Variants in FAM227A observed in about 807,000 individuals in gnomAD.
FAM227A encodes the protein protein FAM227A.
In FAM227A, 80 loss-of-function variants were observed where a neutral mutation model predicts 74.7. The ratio of observed to expected loss-of-function variants is 1.07; its 90% CI spans 0.89 to 1.29. The LOEUF (loss-of-function observed/expected upper bound fraction) is 1.29. FAM227A is among the 50% of genes most tolerant of loss of function. FAM227A has a pLI of 0.00. For synonymous variants in FAM227A, 237 were observed against 241.8 expected (o/e 0.98, Z 0.19); for missense variants, 654 against 683.4 (o/e 0.96, Z 0.48).
intron 10 of FAM227A, among the ~76,000 whole-genome samples, chr22:38,622,353 G>C (rs1041198033): frequency 6.6e-6 from 1 of 152,190 alleles, no homozygotes; most frequent in African/African-American, 2.4e-5. Flanking sequence ...AACCTTTCCA[G>C]GCAGAAGCCC....
At chr22:38,628,399 G>C in intron 7 of FAM227A, 57 bp from the exon 8 acceptor site, 1 of 1,077,434 alleles carries the variant, frequency 9.3e-7, no homozygotes, top group Non-Finnish European at 1.4e-6. Context: ...AAACAACTGA[G>C]GGGCTGGGAT....
Position 38,652,202 on chromosome 22 carries a change from G to A in FAM227A, c.-94-1940C>T, listed in dbSNP as rs550647711. Among the ~76,000 whole-genome samples the A allele has an allele frequency of 5.3e-5, 8 of 150,750 alleles. No individual in the cohort carries two copies. The East Asian group carries it at 1.2e-3, about 22-fold the overall frequency. ...CCCTGTCTCAAAATAAATAAATAAAGTTAACATATTTGATGCTTCTCAGAA... is the reference window on the plus strand; with the variant it reads ...CCCTGTCTCAAAATAAATAAATAAAATTAACATATTTGATGCTTCTCAGAA... On this transcript the variant is annotated intron_variant, in intron 1 of 16. Coordinates refer to ENST00000535113, the MANE Select transcript of FAM227A (RefSeq NM_001013647.2).
chr22:38,587,264 T>A (rs1055730499), intron 16 of FAM227A, among the ~76,000 whole-genome samples: 2 of 151,862 alleles, frequency 1.3e-5, no homozygotes, highest in African/African-American at 4.8e-5. Flanking sequence ...GGAAGGAGAT[T>A]AAGATTAGAG....
chr22:38,589,436 C>T (rs1200852844), intron 16 of FAM227A, among the ~76,000 whole-genome samples: 2 of 152,084 alleles, frequency 1.3e-5, no homozygotes, highest in African/African-American at 4.8e-5. Context: ...TCCAGCAGGT[C>T]TGACAATTGA....
chr22:38,605,925 T>C (rs188122681), intron 12 of FAM227A, among the ~76,000 whole-genome samples: 44 of 152,338 alleles, frequency 2.9e-4, no homozygotes, highest in South Asian at 4.1e-4. Context: ...ACAATAATGA[T>C]GTGAAATTAC....
intron 14 of FAM227A, among the ~76,000 whole-genome samples, chr22:38,598,957 C>CTT (rs71197121): frequency 3.2e-4 from 44 of 136,262 alleles, no homozygotes; most frequent in East Asian, 6.4e-4. Flanking sequence ...TGTTTTCTTT[C>CTT]TTTTTTTTTT....
chr22:38,638,644 A>C, intron 5 of FAM227A, 102 bp downstream of exon 5: 2 of 840,582 alleles, frequency 2.4e-6, no homozygotes, highest in Non-Finnish European at 3.9e-6. Flanking sequence ...TTCCTTCATA[A>C]TCACTACCCA....
intron 12 of FAM227A, among the ~76,000 whole-genome samples, chr22:38,606,553 C>T (rs2091288556): frequency 6.6e-6 from 1 of 152,156 alleles, no homozygotes; most frequent in African/African-American, 2.4e-5. Context: ...ATGCTCCTTT[C>T]TGCCTCCTGG....
chr22:38,614,642 C>T (rs1387912255), intron 11 of FAM227A, among the ~76,000 whole-genome samples: 1 of 152,136 alleles, frequency 6.6e-6, no homozygotes, highest in Non-Finnish European at 1.5e-5. Context: ...CCAATTACTC[C>T]CTCTATCCTG....
intron 1 of FAM227A, among the ~76,000 whole-genome samples, chr22:38,650,618 G>C (rs1006211143): frequency 6.6e-6 from 1 of 152,158 alleles, no homozygotes; most frequent in Non-Finnish European, 1.5e-5. Context: ...GCTTCTCTGA[G>C]TCCCAACTCT....
At chr22:38,614,028 T>C (rs1426563864) in intron 11 of FAM227A, among the ~76,000 whole-genome samples, 5 of 152,120 alleles carry the variant, frequency 3.3e-5, no homozygotes, top group African/African-American at 4.8e-5. Flanking sequence ...ACCACGCCCA[T>C]CTAATTTTTG....
At position 38,582,586 on chromosome 22, in the gene FAM227A, A is replaced by G. The variant is rs2090723933; in HGVS notation, c.*3539T>C. ...AAAGGGCAGAGACAGGTTTCTTCATATTTAACATCCTGAGAGGCTACAACT... is the reference window on the plus strand; with the variant it reads ...AAAGGGCAGAGACAGGTTTCTTCATGTTTAACATCCTGAGAGGCTACAACT... On this transcript the variant is annotated 3_prime_UTR_variant, in exon 17 of 17. Coordinates refer to ENST00000535113, the MANE Select transcript of FAM227A (RefSeq NM_001013647.2). 1 of 771,798 alleles carries G rather than the reference A, an allele frequency of 1.3e-6. No individual in the cohort carries two copies. Among genetic ancestry groups the G allele is most frequent in the South Asian group, 1.9e-5 (1 of 53,212 alleles). 47.8% of individuals were successfully genotyped at this position (771,798 alleles called of 1,614,324 possible). A position where few individuals can be genotyped will look rare whatever the true frequency, so the allele number is the denominator to read the frequency against.
At chr22:38,617,910 G>A (rs994792348) in intron 11 of FAM227A, among the ~76,000 whole-genome samples, 1 of 152,068 alleles carries the variant, frequency 6.6e-6, no homozygotes, top group South Asian at 2.1e-4. Context: ...GGACGCCACA[G>A]CACTCTGGCC....
intron 1 of FAM227A, among the ~76,000 whole-genome samples, chr22:38,650,483 C>T (rs2092307829): frequency 6.6e-6 from 1 of 152,094 alleles, no homozygotes; most frequent in African/African-American, 2.4e-5. Context: ...GCCCCTCCCC[C>T]ATGATGAAAA....
At chr22:38,638,292 G>C (rs1055003774) in intron 5 of FAM227A, among the ~76,000 whole-genome samples, 2 of 152,220 alleles carry the variant, frequency 1.3e-5, no homozygotes, top group Non-Finnish European at 2.9e-5. Context: ...TGAGCAGGAA[G>C]TGGGGCCTGC....
intron 2 of FAM227A, among the ~76,000 whole-genome samples, chr22:38,646,810 G>A (rs947364045): frequency 2.0e-5 from 3 of 152,012 alleles, no homozygotes; most frequent in South Asian, 4.2e-4. Flanking sequence ...ATACTTAACT[G>A]TTCCTTGGAT....
At position 38,622,904 on chromosome 22, in the gene FAM227A, C is replaced by CCTCT. The variant is rs1250175524; in HGVS notation, c.958+267_958+268insAGAG. Among the ~76,000 whole-genome samples the CCTCT allele has an allele frequency of 2.8e-5, 4 of 144,908 alleles. No homozygotes were observed. The Admixed American group carries it at 2.8e-4, about 10-fold the overall frequency. On this transcript the variant is annotated intron_variant, in intron 10 of 16. Transcript: ENST00000535113. ...AAAAAAAAAAAAAAAAAAAAAGAGG[C>CCTCT]AGAGAGCCCAGCACAGTGCATGGCA...
chr22:38,647,997 A>AG (rs961747293), intron 2 of FAM227A, among the ~76,000 whole-genome samples: 1 of 152,138 alleles, frequency 6.6e-6, no homozygotes, highest in Non-Finnish European at 1.5e-5. Flanking sequence ...AAGGAAGGTG[A>AG]GGGGGGCAGA....
At chr22:38,596,052 G>A (rs1049562329) in intron 15 of FAM227A, among the ~76,000 whole-genome samples, 3 of 152,264 alleles carry the variant, frequency 2.0e-5, no homozygotes, top group South Asian at 4.1e-4. Context: ...AGGCACGGTG[G>A]CTCACGCCTA....
Sources: gnomAD v4.1 joint callset for allele counts (sites outside exome capture counted in the v4.1 genomes callset) on GRCh38, gnomAD v4.1.1 for gene constraint, MANE v1.5 for transcripts, NCBI Gene and HGNC (gene_info 2026-07-23, HGNC 2026-07-21) for gene names.